ELAVL1: variants seen among roughly 807,000 people sequenced by gnomAD.
The protein encoded by ELAVL1 is ELAV-like protein 1.
A neutral mutation model predicts 28.4 loss-of-function variants in ELAVL1; 1 was observed. The ratio of observed to expected loss-of-function variants is 0.04; its 90% confidence interval spans 0.01 to 0.17. The LOEUF is 0.17. Among genes scored for constraint, ELAVL1 ranks in the 10% least tolerant of loss-of-function variants. The probability of loss-of-function intolerance (pLI) is 1.00; values close to 1 mark genes in which losing one functional copy is unlikely to be tolerated. For synonymous variants in ELAVL1, 174 were observed against 183.5 expected (o/e 0.95, Z 0.42); for missense variants, 157 against 447.2 (o/e 0.35, Z 5.85).
chr19:8,002,665 G>A (rs1264417408), intron 1 of ELAVL1, among the ~76,000 whole-genome samples: 2 of 152,246 alleles, frequency 1.3e-5, no homozygotes, highest in African/African-American at 2.4e-5. Context: ...AGTTGATTCC[G>A]GTGCGGGTGG....
At chr19:7,976,561 C>T (rs1985298567) in intron 3 of ELAVL1, among the ~76,000 whole-genome samples, 3 of 152,186 alleles carry the variant, frequency 2.0e-5, no homozygotes, top group African/African-American at 4.8e-5. Flanking sequence ...CCACCAGCCT[C>T]CACCAGAAGC....
chr19:7,999,394 AC>A (rs2081059955), intron 1 of ELAVL1, among the ~76,000 whole-genome samples: 1 of 152,036 alleles, frequency 6.6e-6, no homozygotes, highest in African/African-American at 2.4e-5. Flanking sequence ...ATAAAAGGCC[AC>A]CTTCCCCCAG....
chr19:7,978,313 A>G (rs1985357642), intron 3 of ELAVL1, among the ~76,000 whole-genome samples: 1 of 152,212 alleles, frequency 6.6e-6, no homozygotes, highest in African/African-American at 2.4e-5. Flanking sequence ...CCGACACCAG[A>G]AAGACCAAGC....
chr19:7,974,013 G>A (rs974411011), intron 3 of ELAVL1, 135 bp from the exon 4 acceptor site: 75 of 1,172,262 alleles, frequency 6.4e-5, no homozygotes, highest in East Asian at 2.6e-5. Context: ...CATCACTGAC[G>A]CTCACCGCCT....
At chr19:7,996,965 C>T (rs1157353586) in intron 1 of ELAVL1, among the ~76,000 whole-genome samples, 1 of 152,124 alleles carries the variant, frequency 6.6e-6, no homozygotes, top group Non-Finnish European at 1.5e-5. Flanking sequence ...CACATCGAGA[C>T]ACCGCTACCC....
chr19:7,969,683 G>T lies in ELAVL1; in HGVS notation c.431-1893C>A, dbSNP rs553114087. Reference sequence around the variant, plus strand: ...GCAAATACGACTGAGAGCTGACGCTGGCCGGCTCGTAGGGAAGCTGGCTCC... The same window carrying T: ...GCAAATACGACTGAGAGCTGACGCTTGCCGGCTCGTAGGGAAGCTGGCTCC... On this transcript the variant is annotated intron_variant, in intron 4 of 5. Transcript: ENST00000407627. 5.9e-5 allele frequency among the ~76,000 whole-genome samples: 9 copies of T among 152,252 alleles called. No homozygotes were observed. In the East Asian group the frequency reaches 1.7e-3, roughly 29 times the overall value.
At position 7,982,392 on chromosome 19, in the gene ELAVL1, AG is replaced by A. The variant is rs778230515; in HGVS notation, c.173-1207del. Among the ~76,000 whole-genome samples the A allele has an allele frequency of 1.3e-5, 2 of 152,152 alleles. No homozygotes were observed. The highest frequency in any genetic ancestry group is 2.9e-5 in the Non-Finnish European group (2 of 68,036). On this transcript the variant is annotated intron_variant, in intron 2 of 5. Coordinates refer to ENST00000407627, the MANE Select transcript of ELAVL1 (RefSeq NM_001419.3). This position sits in a 1 kb window ranked among gnomAD's most constrained non-coding sequence, Gnocchi z 4.3. Reference sequence around the variant, plus strand: ...GACAACGAGCAGGTCACCGAACAGGAGGTGGCCTGGAGCCCCACTGAGGCAG... The same window carrying A: ...GACAACGAGCAGGTCACCGAACAGGAGTGGCCTGGAGCCCCACTGAGGCAG...
In ELAVL1 at chr19:7,963,276, GA is replaced by G; in HGVS notation, c.*206del. 1.7e-6 allele frequency: 1 copy of G among 598,006 alleles called. No homozygotes were observed. The highest frequency in any genetic ancestry group is 3.0e-5 in the East Asian group (1 of 33,724). The allele number at this position is 598,006 out of a possible 1,614,324, so 37.0% of individuals were successfully genotyped here. A position where few individuals can be genotyped will look rare whatever the true frequency, so the allele number is the denominator to read the frequency against. ...ATATATCTTAAAGGAAATAACTTAC[GA>G]AACTTAAGATTGGTCTAACATTGTG... On this transcript the variant is annotated 3_prime_UTR_variant, in exon 6 of 6. Coordinates refer to ENST00000407627, the MANE Select transcript of ELAVL1 (RefSeq NM_001419.3). The surrounding 1 kb of genome is among the most constrained non-coding windows in gnomAD (Gnocchi z 4.5).
chr19:7,993,027 C>T (rs1985792399), intron 1 of ELAVL1, among the ~76,000 whole-genome samples: 1 of 152,158 alleles, frequency 6.6e-6, no homozygotes, highest in African/African-American at 2.4e-5. Flanking sequence ...TCTCACCCTC[C>T]CAAAGTGCTA....
In ELAVL1 at chr19:7,982,955, T is replaced by C. The variant is rs1254291006; in HGVS notation, c.173-1769A>G. Reference sequence around the variant, plus strand: ...CAACGTGACTTATGGCTGCTGGTGCTGACCGTGATCACTGGGCCGAGGCAG... The same window carrying C: ...CAACGTGACTTATGGCTGCTGGTGCCGACCGTGATCACTGGGCCGAGGCAG... On this transcript the variant is annotated intron_variant, in intron 2 of 5. Transcript: ENST00000407627. The surrounding 1 kb of genome is among the most constrained non-coding windows in gnomAD (Gnocchi z 4.3). 6.6e-6 allele frequency among the ~76,000 whole-genome samples: 1 copy of C among 152,262 alleles called. No individual in the cohort carries two copies.
intron 4 of ELAVL1, among the ~76,000 whole-genome samples, chr19:7,971,091 G>T (rs1206981967): frequency 2.0e-5 from 3 of 152,162 alleles, no homozygotes; most frequent in African/African-American, 4.8e-5. Flanking sequence ...GGTTCCTTAG[G>T]CCACCTTGAG....
intron 4 of ELAVL1, among the ~76,000 whole-genome samples, chr19:7,971,687 G>A (rs570313148): frequency 1.3e-5 from 2 of 152,228 alleles, no homozygotes; most frequent in Admixed American, 1.3e-4. Context: ...GGCACTGCCC[G>A]GTGCCAGGGC....
At chr19:7,996,496 CT>C (rs942888517) in intron 1 of ELAVL1, among the ~76,000 whole-genome samples, 2 of 149,406 alleles carry the variant, frequency 1.3e-5, no homozygotes, top group East Asian at 2.1e-4. Flanking sequence ...GCCCAGAACA[CT>C]TTTTTTTAAG....
chr19:8,000,334 G>C (rs564352304), intron 1 of ELAVL1, among the ~76,000 whole-genome samples: 1 of 152,190 alleles, frequency 6.6e-6, no homozygotes, highest in East Asian at 1.9e-4. Flanking sequence ...CACATCCGTC[G>C]ATCATCTAGC....
chr19:7,985,113 T>G (rs1297644391), intron 2 of ELAVL1, among the ~76,000 whole-genome samples: 1 of 152,150 alleles, frequency 6.6e-6, no homozygotes, highest in Non-Finnish European at 1.5e-5. Flanking sequence ...AGAGATGGGG[T>G]TTCGCCATGT....
intron 5 of ELAVL1, among the ~76,000 whole-genome samples, chr19:7,965,372 G>C (rs900797214): frequency 6.6e-6 from 1 of 152,138 alleles, no homozygotes; most frequent in Non-Finnish European, 1.5e-5. Context: ...CAATGCGCCC[G>C]GCCTTCTTAG....
chr19:7,973,205 A>G (rs973236267), intron 4 of ELAVL1: 5 of 160,656 alleles, frequency 3.1e-5, no homozygotes, highest in African/African-American at 1.2e-4. Flanking sequence ...TTCACTGTAC[A>G]TGAAATGCTG....
At chr19:7,972,105 T>C (rs775323537) in intron 4 of ELAVL1, among the ~76,000 whole-genome samples, 2 of 152,172 alleles carry the variant, frequency 1.3e-5, no homozygotes, top group African/African-American at 2.4e-5. Context: ...GTGGGAAGAA[T>C]ATGAAAACCA....
In ELAVL1 at chr19:7,961,798, G is replaced by C. The variant is rs1321814016; in HGVS notation, c.*1685C>G. On this transcript the variant is annotated 3_prime_UTR_variant, in exon 6 of 6. Coordinates refer to ENST00000407627, the MANE Select transcript of ELAVL1 (RefSeq NM_001419.3). Reference sequence around the variant, plus strand: ...GCCTCTCGAGACGCTGACCTGCTCTGGGGACGGTGGTGCCTGCCTATTGCT... The same window carrying C: ...GCCTCTCGAGACGCTGACCTGCTCTCGGGACGGTGGTGCCTGCCTATTGCT... 1 of 152,200 alleles carries C rather than the reference G, an allele frequency of 6.6e-6. No individual in the cohort carries two copies. The highest frequency in any genetic ancestry group is 6.5e-5 in the Admixed American group (1 of 15,274). The allele number at this position is 152,200 out of a possible 1,614,324, so 9.4% of individuals were successfully genotyped here. A position where few individuals can be genotyped will look rare whatever the true frequency, so the allele number is the denominator to read the frequency against.
Sources: gnomAD v4.1 joint callset for allele counts (sites outside exome capture counted in the v4.1 genomes callset) on GRCh38, gnomAD v4.1.1 for gene constraint, Gnocchi (gnomAD v3.1) non-coding constraint, MANE v1.5 for transcripts, NCBI Gene and HGNC (gene_info 2026-07-23, HGNC 2026-07-21) for gene names.